DSC3: variants seen among roughly 807,000 people sequenced by gnomAD.
DSC3 encodes desmocollin-3.
Under a neutral mutation model 89.5 loss-of-function variants are expected in DSC3, and 97 were observed. The ratio of observed to expected loss-of-function variants is 1.08; its 90% CI spans 0.92 to 1.28. The LOEUF (loss-of-function observed/expected upper bound fraction) is 1.28, where lower values mean the gene tolerates loss of function less well. Among genes scored for constraint, DSC3 ranks in the 50% most tolerant of loss-of-function variants. The pLI is 0.00. For missense variants in DSC3, 1,199 were observed against 1,085.3 expected, an observed-to-expected ratio of 1.10 and a Z score of -1.47; for synonymous variants, 436 against 384.1, an observed-to-expected ratio of 1.14 and a Z score of -1.58.
At position 31,006,224 on chromosome 18, in the gene DSC3, C is replaced by T. The variant is rs192356770; in HGVS notation, c.1888+683G>A. ...GTGCTTGGTCTATACACCTGAGTTC[C>T]TCACTTCCAGAGTCAGCTTACAATA... On this transcript the variant is annotated intron_variant, in intron 12 of 15. Transcript: ENST00000360428. Among the ~76,000 whole-genome samples the T allele has an allele frequency of 2.6e-3, 399 of 152,204 alleles. 1 individual carries two copies. Among genetic ancestry groups the T allele is most frequent in the African/African-American group, 9.1e-3 (376 of 41,532 alleles).
At chr18:31,023,188 G>T (rs1462074050) in intron 6 of DSC3, among the ~76,000 whole-genome samples, 2 of 152,032 alleles carry the variant, frequency 1.3e-5, no homozygotes, top group African/African-American at 4.8e-5. Context: ...AAAAGGGAAA[G>T]CATACCCCAT....
chr18:31,022,810 TC>T (rs931241040), intron 6 of DSC3, among the ~76,000 whole-genome samples: 1 of 152,204 alleles, frequency 6.6e-6, no homozygotes, highest in African/African-American at 2.4e-5. Flanking sequence ...TGCACATATT[TC>T]AATAACAAAC....
Position 31,022,229 on chromosome 18 carries a change from C to G in DSC3, c.942+107G>C, listed in dbSNP as rs527680803. On this transcript the variant is annotated intron_variant, in intron 7 of 15. Transcript: ENST00000360428. ...TGTTAGGAATTCTTATTGTCTTATGCCTAAAATAAAATTAAACTATTAATC... is the reference window on the plus strand; with the variant it reads ...TGTTAGGAATTCTTATTGTCTTATGGCTAAAATAAAATTAAACTATTAATC... 2.3e-5 allele frequency: 31 copies of G among 1,337,462 alleles called. No homozygotes were observed. The African/African-American group carries it at 3.8e-4, about 16-fold the overall frequency. The allele number at this position is 1,337,462 out of a possible 1,614,324, so 82.8% of individuals were successfully genotyped here. A position where few individuals can be genotyped will look rare whatever the true frequency, so the allele number is the denominator to read the frequency against.
chr18:30,995,362 G>T (rs984938149), intron 15 of DSC3, among the ~76,000 whole-genome samples: 1 of 152,128 alleles, frequency 6.6e-6, no homozygotes, highest in African/African-American at 2.4e-5. Flanking sequence ...AGTAGAAAAA[G>T]AATTAACACT....
intron 9 of DSC3, among the ~76,000 whole-genome samples, chr18:31,009,348 C>T (rs148415951): frequency 7.2e-5 from 11 of 152,226 alleles, no homozygotes; most frequent in African/African-American, 1.9e-4. Context: ...CCACCATGCC[C>T]GGCCCCAAAT....
chr18:31,004,404 A>G (rs749147367), intron 12 of DSC3, 38 bp from the exon 13 acceptor site: 11 of 1,569,542 alleles, frequency 7.0e-6, no homozygotes, highest in South Asian at 1.1e-5. Flanking sequence ...TTTAATGATC[A>G]TTTATTCTTC....
chr18:31,001,747 T>C lies in DSC3; in HGVS notation c.2114-8A>G. 1 of 1,568,276 alleles carries C rather than the reference T, an allele frequency of 6.4e-7. No individual in the cohort carries two copies. The highest frequency in any genetic ancestry group is 2.3e-5 in the East Asian group (1 of 44,400). On this transcript the variant is annotated splice_polypyrimidine_tract_variant and splice_region_variant and intron_variant, in intron 13 of 15. Transcript: ENST00000360428. Reference sequence around the variant, plus strand: ...CTAAAGTTAGCAATACAGCTGAATTTAAAAATAAAAATAAAATAACTTACT... The same window carrying C: ...CTAAAGTTAGCAATACAGCTGAATTCAAAAATAAAAATAAAATAACTTACT...
intron 1 of DSC3, among the ~76,000 whole-genome samples, chr18:31,034,319 A>G (rs1458302711): frequency 1.3e-5 from 2 of 152,196 alleles, no homozygotes; most frequent in Non-Finnish European, 2.9e-5. Flanking sequence ...GGGAAATGGT[A>G]ATCTAAACCA....
chr18:31,034,077 G>A (rs1389385418), intron 1 of DSC3, among the ~76,000 whole-genome samples: 2 of 152,108 alleles, frequency 1.3e-5, no homozygotes, highest in Non-Finnish European at 2.9e-5. Flanking sequence ...CGCCCGCCTC[G>A]GCCTCCCAAA....
intron 11 of DSC3, 41 bp from the exon 12 acceptor site, chr18:31,007,172 C>G (rs765182772): frequency 6.8e-7 from 1 of 1,479,616 alleles, no homozygotes; most frequent in African/African-American, 1.4e-5. Context: ...TTTTAAAATT[C>G]TTTCATAGTT....
At chr18:31,027,530 C>G (rs964148981) in intron 4 of DSC3, among the ~76,000 whole-genome samples, 1 of 131,320 alleles carries the variant, frequency 7.6e-6, no homozygotes, top group Non-Finnish European at 1.7e-5. Flanking sequence ...AGCATATGTA[C>G]TACTAGATAT....
In DSC3 at chr18:31,001,741, T is replaced by A. The variant is rs1256889363; in HGVS notation, c.2114-2A>T. On this transcript the variant is annotated splice_acceptor_variant, in intron 13 of 15. Coordinates refer to ENST00000360428, the MANE Select transcript of DSC3 (RefSeq NM_001941.5). LOFTEE classifies it high-confidence loss of function. ...CACATACTAAAGTTAGCAATACAGC[T>A]GAATTTAAAAATAAAAATAAAATAA... is the stretch of plus-strand genomic sequence containing the variant. 4 of 1,582,180 alleles carry A rather than the reference T, an allele frequency of 2.5e-6. No individual in the cohort carries two copies. The East Asian group carries it at 9.0e-5, about 36-fold the overall frequency.
intron 4 of DSC3, among the ~76,000 whole-genome samples, chr18:31,028,914 C>T (rs1567960080): frequency 6.6e-6 from 1 of 152,156 alleles, no homozygotes; most frequent in Non-Finnish European, 1.5e-5. Context: ...CCTTGGAAGA[C>T]TAAGCCACCC....
Position 31,018,791 on chromosome 18 carries a change from T to A in DSC3, c.952A>T (p.Lys318Ter). The change falls in exon 8 of 16, where the codon AAG becomes TAG. Residue 318 changes from lysine (K) to a stop codon, truncating the protein, a stop_gained. Transcript: ENST00000360428. LOFTEE classifies it high-confidence loss of function. ...SHYLDREVVDKYSLIMKVQDM... is the reference protein window; with the variant it reads ...SHYLDREVVD ...TGTACTTTCATTATCAATGAGTACT[T>A]GTCTACAACCTGGAAACAAAGCAAA... 1 of 1,613,682 alleles carries A rather than the reference T, an allele frequency of 6.2e-7. No individual in the cohort carries two copies. The highest frequency in any genetic ancestry group is 8.5e-7 in the Non-Finnish European group (1 of 1,179,898).
At chr18:31,030,943 G>T in intron 3 of DSC3, 30 bp downstream of exon 3, 4 of 1,583,574 alleles carry the variant, frequency 2.5e-6, no homozygotes, top group South Asian at 2.2e-5. Context: ...ATGAAAAAAT[G>T]ACTGAAAATA....
At chr18:31,024,538 C>T (rs1598546590) in intron 5 of DSC3, 45 bp from the exon 6 acceptor site, 1 of 1,596,314 alleles carries the variant, frequency 6.3e-7, no homozygotes, top group Non-Finnish European at 8.5e-7. Context: ...CAGATCCCGG[C>T]AAGACAGAAT....
At chr18:31,031,361 A>G (rs1271758537) in intron 2 of DSC3, among the ~76,000 whole-genome samples, 189 bp from the exon 3 acceptor site, 3 of 152,234 alleles carry the variant, frequency 2.0e-5, no homozygotes, top group Non-Finnish European at 4.4e-5. Context: ...CAGTTAACAA[A>G]TAATTATTGA....
At chr18:31,025,689 G>A (rs754237043) in intron 5 of DSC3, 71 bp downstream of exon 5, 7 of 1,470,566 alleles carry the variant, frequency 4.8e-6, no homozygotes, top group Admixed American at 3.4e-5. Context: ...AGAGGAAAGA[G>A]TAGCTGGAGT....
At chr18:31,034,796 G>T (rs905764968) in intron 1 of DSC3, among the ~76,000 whole-genome samples, 1 of 152,138 alleles carries the variant, frequency 6.6e-6, no homozygotes, top group Admixed American at 6.5e-5. Flanking sequence ...CAGGAACAAA[G>T]TAAATTTCCA....
Sources: allele counts gnomAD v4.1 joint callset (sites outside exome capture counted in the v4.1 genomes callset), GRCh38; gene constraint gnomAD v4.1.1; transcripts MANE v1.5; gene names NCBI Gene and HGNC (gene_info 2026-07-23, HGNC 2026-07-21).